ADARB1: variants seen among roughly 807,000 people sequenced by gnomAD.
The protein encoded by ADARB1 is double-stranded RNA-specific editase 1.
In ADARB1, 10 loss-of-function variants were observed where a neutral mutation model predicts 52.4. The ratio of observed to expected loss-of-function variants is 0.19; its 90% confidence interval spans 0.12 to 0.32. The LOEUF is 0.32. Ranked by LOEUF, ADARB1 falls within the 10% of genes least tolerant of loss-of-function variation. The probability of loss-of-function intolerance (pLI) is 1.00; values close to 1 mark genes in which losing one functional copy is unlikely to be tolerated. For synonymous variants in ADARB1, 349 were observed against 371.1 expected (o/e 0.94, Z 0.68); for missense variants, 643 against 922.3 (o/e 0.70, Z 3.92).
chr21:45,152,403 T>C (rs1241204953), intron 2 of ADARB1, among the ~76,000 whole-genome samples: 1 of 152,124 alleles, frequency 6.6e-6, no homozygotes, highest in African/African-American at 2.4e-5. Flanking sequence ...TCTGAAGTCA[T>C]TGTGGTGTGT....
intron 5 of ADARB1, among the ~76,000 whole-genome samples, chr21:45,182,299 A>T (rs968220530): frequency 2.0e-5 from 3 of 152,214 alleles, no homozygotes; most frequent in African/African-American, 7.2e-5. Context: ...GCTATTGCAT[A>T]CCAGAGGAAA....
chr21:45,094,502 C>T (rs915906964), intron 1 of ADARB1, among the ~76,000 whole-genome samples: 12 of 152,316 alleles, frequency 7.9e-5, no homozygotes, highest in Non-Finnish European at 1.5e-4. Flanking sequence ...TACCATCAGC[C>T]TCACTCACGT....
chr21:45,131,630 T>C (rs2088943348), intron 2 of ADARB1, among the ~76,000 whole-genome samples: 1 of 152,212 alleles, frequency 6.6e-6, no homozygotes, highest in Non-Finnish European at 1.5e-5. Context: ...CGCCTCCTGC[T>C]CTGTGCACAG....
At chr21:45,093,948 C>T (rs1307435837) in intron 1 of ADARB1, among the ~76,000 whole-genome samples, 2 of 152,136 alleles carry the variant, frequency 1.3e-5, no homozygotes, top group East Asian at 1.9e-4. Flanking sequence ...TTTAGCACTT[C>T]GTTTTTACTG....
At chr21:45,139,656 G>A (rs1030320204) in intron 2 of ADARB1, among the ~76,000 whole-genome samples, 1 of 152,170 alleles carries the variant, frequency 6.6e-6, no homozygotes, top group Non-Finnish European at 1.5e-5. Context: ...GTAGTGTGGG[G>A]CCGCGTGCGC....
At chr21:45,124,389 T>G (rs187971075) in intron 1 of ADARB1, among the ~76,000 whole-genome samples, 13 of 152,276 alleles carry the variant, frequency 8.5e-5, no homozygotes, top group Admixed American at 8.5e-4. Context: ...TTTCTTTTTC[T>G]TGAGACAAGG....
intron 1 of ADARB1, among the ~76,000 whole-genome samples, chr21:45,094,702 CT>C (rs2086687708): frequency 1.3e-5 from 2 of 152,114 alleles, no homozygotes; most frequent in Non-Finnish European, 2.9e-5. Flanking sequence ...CCTTCCTGTC[CT>C]CCCATCCAAC....
At chr21:45,186,747 G>T (rs999633375) in intron 8 of ADARB1, among the ~76,000 whole-genome samples, 2 of 152,046 alleles carry the variant, frequency 1.3e-5, no homozygotes, top group African/African-American at 2.4e-5. Context: ...TTTTACAGTT[G>T]ATATTGTAAT....
rs910576766 is a variant in ADARB1 at position 45,074,605 on chromosome 21, G to C, written c.-408G>C. The C allele has an allele frequency of 6.7e-6, 1 of 148,562 alleles. No homozygotes were observed. Among genetic ancestry groups the C allele is most frequent in the East Asian group, 2.0e-4 (1 of 5,006 alleles). The allele number at this position is 148,562 out of a possible 1,614,324, so 9.2% of individuals were successfully genotyped here. ...GAGGCGCTGAGGCGGCCGTGGCGGC[G>C]GCGGCGGCGGCGGCGGCAGCGGCGG... is the stretch of plus-strand genomic sequence containing the variant. On this transcript the variant is annotated 5_prime_UTR_variant, in exon 1 of 11. Transcript: ENST00000348831.
chr21:45,115,510 A>G lies in ADARB1; in HGVS notation c.-219-12892A>G, dbSNP rs567969015. ...TAGATTGTCTGTATCATCAGATGCC[A>G]TTTACATCCCAGTCAAATTAGCAGC... On this transcript the variant is annotated intron_variant, in intron 1 of 10. Transcript: ENST00000348831. Among the ~76,000 whole-genome samples the G allele has an allele frequency of 5.9e-5, 9 of 152,324 alleles. No homozygotes were observed. In the East Asian group the frequency reaches 1.5e-3, roughly 26 times the overall value.
At position 45,171,514 on chromosome 21, in the gene ADARB1, T is replaced by C. The variant is rs192147638; in HGVS notation, c.-47-96T>C. 10 of 795,654 alleles carry C rather than the reference T, an allele frequency of 1.3e-5. No individual in the cohort carries two copies. In the African/African-American group the frequency reaches 1.3e-4, roughly 10 times the overall value. The allele number at this position is 795,654 out of a possible 1,614,324, so 49.3% of individuals were successfully genotyped here. On this transcript the variant is annotated intron_variant, in intron 2 of 10. Transcript: ENST00000348831. ...TTATTTTATGATTTTTTTCCTTTAA[T>C]TTGTAATAATGTTGTAATTATTTCC...
intron 9 of ADARB1, among the ~76,000 whole-genome samples, chr21:45,210,064 G>A (rs1602000857): frequency 6.6e-6 from 1 of 152,178 alleles, no homozygotes; most frequent in Non-Finnish European, 1.5e-5. Flanking sequence ...CACCACGGCC[G>A]CCACACGGCT....
intron 9 of ADARB1, among the ~76,000 whole-genome samples, chr21:45,207,850 G>A (rs2092695815): frequency 1.3e-5 from 2 of 152,270 alleles, no homozygotes; most frequent in South Asian, 4.2e-4. Flanking sequence ...CCTGAAACTG[G>A]GAGCAAATCA....
At position 45,225,650 on chromosome 21, in the gene ADARB1, A is replaced by G; in HGVS notation, c.*3453A>G. 9.1e-7 allele frequency: 1 copy of G among 1,099,478 alleles called. No individual in the cohort carries two copies. The allele number at this position is 1,099,478 out of a possible 1,614,324, so 68.1% of individuals were successfully genotyped here. Reference sequence around the variant, plus strand: ...CACATCCGGACCTGCCCATGTCTCAAAACAAACACATGTACAGTGGCTCTT... The same window carrying G: ...CACATCCGGACCTGCCCATGTCTCAGAACAAACACATGTACAGTGGCTCTT... On this transcript the variant is annotated 3_prime_UTR_variant, in exon 11 of 11. Transcript: ENST00000348831.
intron 1 of ADARB1, among the ~76,000 whole-genome samples, chr21:45,086,682 T>C (rs1349878277): frequency 6.6e-6 from 1 of 152,256 alleles, no homozygotes; most frequent in Non-Finnish European, 1.5e-5. Flanking sequence ...TTTAGTCGTA[T>C]TGGCGTAGCG....
Position 45,223,893 on chromosome 21 carries a change from G to A in ADARB1, c.*1696G>A, listed in dbSNP as rs533155889. The A allele has an allele frequency of 1.0e-4, 99 of 985,446 alleles. No homozygotes were observed. Among genetic ancestry groups the A allele is most frequent in the Admixed American group, 3.1e-4 (5 of 16,270 alleles). The allele number at this position is 985,446 out of a possible 1,614,324, so 61.0% of individuals were successfully genotyped here. On this transcript the variant is annotated 3_prime_UTR_variant, in exon 11 of 11. Coordinates refer to ENST00000348831, the MANE Select transcript of ADARB1 (RefSeq NM_001112.4). Reference sequence around the variant, plus strand: ...ATTGTTGGGGACATGACCGGGTTCAGCGGCTAGAACATCTGCCCCACAGCA... The same window carrying A: ...ATTGTTGGGGACATGACCGGGTTCAACGGCTAGAACATCTGCCCCACAGCA...
chr21:45,166,492 C>A (rs138547187), intron 2 of ADARB1, among the ~76,000 whole-genome samples: 5 of 152,308 alleles, frequency 3.3e-5, no homozygotes, highest in African/African-American at 1.2e-4. Context: ...ACCAAATATT[C>A]TGTGTCTGGA....
At chr21:45,211,040 G>C (rs2092758950) in intron 9 of ADARB1, among the ~76,000 whole-genome samples, 1 of 152,246 alleles carries the variant, frequency 6.6e-6, no homozygotes, top group Admixed American at 6.5e-5. Flanking sequence ...GAGGTCCTCT[G>C]TGTAAAGCCC....
intron 1 of ADARB1, among the ~76,000 whole-genome samples, chr21:45,102,511 C>A (rs2087064664): frequency 6.6e-6 from 1 of 152,088 alleles, no homozygotes; most frequent in Admixed American, 6.5e-5. Context: ...TAGGACTGGG[C>A]AGGAAATAAC....
Sources: allele counts gnomAD v4.1 joint callset (sites outside exome capture counted in the v4.1 genomes callset), GRCh38; gene constraint gnomAD v4.1.1; transcripts MANE v1.5; gene names NCBI Gene and HGNC (gene_info 2026-07-23, HGNC 2026-07-21).